The following NCAM2 variants were observed in gnomAD, a reference collection of about 807,000 sequenced individuals.
NCAM2 encodes neural cell adhesion molecule 2.
Under a neutral mutation model 98.1 loss-of-function variants are expected in NCAM2, and 30 were observed. That is an observed-to-expected ratio of 0.31 (90% CI 0.23 to 0.41). NCAM2 has a LOEUF of 0.41. Ranked by LOEUF, NCAM2 falls within the 10% of genes least tolerant of loss-of-function variation. The pLI is 1.00. For synonymous variants in NCAM2, 368 were observed against 342.4 expected (o/e 1.07, Z -0.83); for missense variants, 867 against 1,005.8 (o/e 0.86, Z 1.87).
intron 1 of NCAM2, among the ~76,000 whole-genome samples, chr21:21,144,606 C>CTT (rs11292466): frequency 2.2e-4 from 34 of 151,254 alleles, no homozygotes; most frequent in South Asian, 4.2e-4. Context: ...AAATGTCTGT[C>CTT]TTTTTTTTTC....
chr21:21,458,082 G>A (rs1387874979), intron 12 of NCAM2, among the ~76,000 whole-genome samples: 3 of 152,200 alleles, frequency 2.0e-5, no homozygotes, highest in African/African-American at 7.2e-5. Context: ...AGGTGCCTAG[G>A]AGACAGGAAG....
At chr21:21,056,523 T>TGTGTGCGCGCGC (rs1555877351) in intron 1 of NCAM2, among the ~76,000 whole-genome samples, 27 of 145,402 alleles carry the variant, frequency 1.9e-4, no homozygotes, top group African/African-American at 6.8e-4. Flanking sequence ...TGTGTGTGTG[T>TGTGTGCGCGCGC]GCATGAGAGA....
At chr21:21,059,207 T>G (rs2065273077) in intron 1 of NCAM2, among the ~76,000 whole-genome samples, 1 of 152,062 alleles carries the variant, frequency 6.6e-6, no homozygotes. Context: ...AAGAGAAGTA[T>G]GTATAAAGGC....
chr21:21,538,076 G>T lies in NCAM2; in HGVS notation c.*119G>T. The T allele has an allele frequency of 2.0e-6, 1 of 504,112 alleles. No homozygotes were observed. 31.2% of individuals were successfully genotyped at this position (504,112 alleles called of 1,614,324 possible). A position where few individuals can be genotyped will look rare whatever the true frequency, so the allele number is the denominator to read the frequency against. ...GGAAACTTCTAGCTTGGAATAGCTTGTACACATATACATATGATCAAATAC... is the reference window on the plus strand; with the variant it reads ...GGAAACTTCTAGCTTGGAATAGCTTTTACACATATACATATGATCAAATAC... On this transcript the variant is annotated 3_prime_UTR_variant, in exon 18 of 18. Coordinates refer to ENST00000400546, the MANE Select transcript of NCAM2 (RefSeq NM_004540.5).
intron 1 of NCAM2, among the ~76,000 whole-genome samples, chr21:21,096,790 C>T (rs1046729388): frequency 6.6e-6 from 1 of 151,234 alleles, no homozygotes; most frequent in African/African-American, 2.4e-5. Context: ...GGAATGTTTA[C>T]GTCTTTATTT....
chr21:21,231,186 A>G (rs1049698960), intron 1 of NCAM2, among the ~76,000 whole-genome samples: 1 of 151,292 alleles, frequency 6.6e-6, no homozygotes, highest in East Asian at 1.9e-4. Flanking sequence ...TCTTGAAGCT[A>G]TAGAGCTGAT....
chr21:21,248,973 T>C (rs13046618), intron 1 of NCAM2, among the ~76,000 whole-genome samples: 1 of 152,088 alleles, frequency 6.6e-6, no homozygotes, highest in African/African-American at 2.4e-5. Flanking sequence ...GCTGAATTGT[T>C]TGACTGCCTG....
At position 21,352,588 on chromosome 21, in the gene NCAM2, T is replaced by C. The variant is rs193142638; in HGVS notation, c.1044+14054T>C. The stretch of plus-strand genomic sequence containing the variant: ...GCTTTTGGTGTGTCATTGACCATGT[T>C]AGTTCTCATCTCTGATTTCAGTTTC... On this transcript the variant is annotated intron_variant, in intron 8 of 17. Coordinates refer to ENST00000400546, the MANE Select transcript of NCAM2 (RefSeq NM_004540.5). 2.7e-3 allele frequency among the ~76,000 whole-genome samples: 411 copies of C among 152,080 alleles called. 4 individuals carry two copies. Among genetic ancestry groups the C allele is most frequent in the African/African-American group, 9.4e-3 (389 of 41,504 alleles).
intron 16 of NCAM2, 96 bp downstream of exon 16, chr21:21,509,151 G>C (rs552386675): frequency 8.3e-7 from 1 of 1,201,302 alleles, no homozygotes; most frequent in Non-Finnish European, 1.2e-6. Flanking sequence ...AAGGAGTAGG[G>C]TAAAGAGTTT....
intron 1 of NCAM2, among the ~76,000 whole-genome samples, chr21:21,228,695 G>A (rs1282554953): frequency 6.6e-6 from 1 of 151,378 alleles, no homozygotes; most frequent in Non-Finnish European, 1.5e-5. Context: ...GTAGACTAAA[G>A]ATAAAACTCT....
intron 16 of NCAM2, among the ~76,000 whole-genome samples, chr21:21,514,885 A>G (rs1186866746): frequency 1.3e-5 from 2 of 152,122 alleles, no homozygotes; most frequent in Non-Finnish European, 1.5e-5. Context: ...GCCAGACTTT[A>G]TTAACCACTA....
rs553941249 is a variant in NCAM2 at position 21,079,662 on chromosome 21, C to T, written c.55+81044C>T. 9.6e-4 allele frequency among the ~76,000 whole-genome samples: 146 copies of T among 152,132 alleles called. 1 individual carries two copies. The highest frequency in any genetic ancestry group is 4.1e-3 in the Admixed American group (62 of 15,282). ...TTATTGTTATAACTTCTTCCACTTC[C>T]CCTTTGTTTCTGCCCCCTACCCAGA... is the stretch of plus-strand genomic sequence containing the variant. On this transcript the variant is annotated intron_variant, in intron 1 of 17. Coordinates refer to ENST00000400546, the MANE Select transcript of NCAM2 (RefSeq NM_004540.5).
intron 1 of NCAM2, among the ~76,000 whole-genome samples, chr21:21,198,179 AGTATATGTGTGTGT>A (rs937392141): frequency 1.6e-5 from 2 of 127,356 alleles, no homozygotes; most frequent in Admixed American, 1.8e-4. Flanking sequence ...AAATATGTAA[AGTATATGTGTGTGT>A]GTGTGTGTGT....
At position 21,316,951 on chromosome 21, in the gene NCAM2, G is replaced by A. The variant is rs547671597; in HGVS notation, c.620-7432G>A. Among the ~76,000 whole-genome samples, 10 of 152,148 alleles carry A rather than the reference G, an allele frequency of 6.6e-5. No homozygotes were observed. In the East Asian group the frequency reaches 1.9e-3, roughly 29 times the overall value. ...GCCAAATTCAAAAATTTACACATCC[G>A]ACTGTTTTAAATTACCCTGCATAAG... is the stretch of plus-strand genomic sequence containing the variant. On this transcript the variant is annotated intron_variant, in intron 5 of 17. Coordinates refer to ENST00000400546, the MANE Select transcript of NCAM2 (RefSeq NM_004540.5).
At chr21:21,482,689 A>G (rs1002168649) in intron 15 of NCAM2, among the ~76,000 whole-genome samples, 12 of 151,860 alleles carry the variant, frequency 7.9e-5, no homozygotes, top group African/African-American at 2.9e-4. Flanking sequence ...ATTGATAACA[A>G]TAATTTTTCT....
In NCAM2 at chr21:21,138,783, T is replaced by A. The variant is rs191350851; in HGVS notation, c.55+140165T>A. Among the ~76,000 whole-genome samples, 15 of 152,276 alleles carry A rather than the reference T, an allele frequency of 9.9e-5. No homozygotes were observed. In the East Asian group the frequency reaches 2.9e-3, roughly 29 times the overall value. On this transcript the variant is annotated intron_variant, in intron 1 of 17. Coordinates refer to ENST00000400546, the MANE Select transcript of NCAM2 (RefSeq NM_004540.5). Reference sequence around the variant, plus strand: ...AAACATTCTGATACCAAAATAGATATATATATTTTTTGCTTCAATATACGA... The same window carrying A: ...AAACATTCTGATACCAAAATAGATAAATATATTTTTTGCTTCAATATACGA...
At chr21:21,196,765 C>G (rs2069018175) in intron 1 of NCAM2, among the ~76,000 whole-genome samples, 1 of 152,218 alleles carries the variant, frequency 6.6e-6, no homozygotes, top group African/African-American at 2.4e-5. Flanking sequence ...TAGTTTGGAT[C>G]TGTGTCTCCA....
chr21:21,299,049 G>A (rs999510397), intron 5 of NCAM2, among the ~76,000 whole-genome samples: 1 of 151,536 alleles, frequency 6.6e-6, no homozygotes, highest in Non-Finnish European at 1.5e-5. Context: ...GGGATCACAA[G>A]ATACTGCAAT....
At chr21:21,450,811 C>CGTATGTATGT (rs1569076867) in intron 12 of NCAM2, among the ~76,000 whole-genome samples, 17 of 151,186 alleles carry the variant, frequency 1.1e-4, no homozygotes, top group African/African-American at 3.9e-4. Context: ...CACACACACA[C>CGTATGTATGT]ACACACACAC....
Sources: gnomAD v4.1 joint callset for allele counts (sites outside exome capture counted in the v4.1 genomes callset) on GRCh38, gnomAD v4.1.1 for gene constraint, MANE v1.5 for transcripts, NCBI Gene and HGNC (gene_info 2026-07-23, HGNC 2026-07-21) for gene names.